ANK1: variants seen among roughly 807,000 people sequenced by gnomAD.
The protein encoded by ANK1 is ankyrin 1.
ANK1 carries 51 observed loss-of-function variants against 210.4 expected under a neutral mutation model. The observed-to-expected ratio is 0.24, with a 90% confidence interval of 0.19 to 0.31. The LOEUF is 0.31. Ranked by LOEUF, ANK1 falls within the 10% of genes least tolerant of loss-of-function variation. ANK1 has a pLI of 1.00. For missense variants in ANK1, 2,051 were observed against 2,504.4 expected, an observed-to-expected ratio of 0.82 and a Z score of 3.86; for synonymous variants, 967 against 1,025.9, an observed-to-expected ratio of 0.94 and a Z score of 1.10.
chr8:41,679,548 C>T (rs1253718164), intron 37 of ANK1, among the ~76,000 whole-genome samples: 2 of 146,006 alleles, frequency 1.4e-5, no homozygotes, highest in Non-Finnish European at 3.0e-5. Flanking sequence ...TCTTGGTCTT[C>T]CTGGACTTTC....
At chr8:41,717,897 C>T (rs970548866) in intron 11 of ANK1, among the ~76,000 whole-genome samples, 195 bp from the exon 12 acceptor site, 16 of 152,202 alleles carry the variant, frequency 1.1e-4, no homozygotes, top group African/African-American at 3.4e-4. Context: ...TTACAACTTG[C>T]AAAAATTGTG....
intron 26 of ANK1, among the ~76,000 whole-genome samples, chr8:41,696,057 G>T (rs1449912439): frequency 2.6e-5 from 4 of 152,148 alleles, no homozygotes; most frequent in African/African-American, 9.7e-5. Context: ...TTTTGGTTTT[G>T]CTTTTTATTT....
intron 8 of ANK1, 136 bp downstream of exon 8, chr8:41,723,399 G>T: frequency 8.4e-7 from 1 of 1,191,852 alleles, no homozygotes; most frequent in Non-Finnish European, 1.2e-6. Flanking sequence ...GCACTGCCCA[G>T]AATACTGCTG....
chr8:41,714,751 C>T (rs1827146979), intron 15 of ANK1, among the ~76,000 whole-genome samples: 1 of 152,152 alleles, frequency 6.6e-6, no homozygotes, highest in Non-Finnish European at 1.5e-5. Flanking sequence ...GTCCCAGCTA[C>T]TCAGGAGACT....
intron 1 of ANK1, among the ~76,000 whole-genome samples, chr8:41,894,980 G>A (rs73675171): frequency 0.084 from 12,784 of 152,126 alleles, 1,401 homozygotes; most frequent in African/African-American, 0.24. Context: ...TCCCTCAAGG[G>A]AGGTGGGGAC....
At chr8:41,750,028 C>A (rs530605837) in intron 2 of ANK1, among the ~76,000 whole-genome samples, 1 of 152,266 alleles carries the variant, frequency 6.6e-6, no homozygotes, top group African/African-American at 2.4e-5. Context: ...AATTGAATGC[C>A]GTGAGCTCCA....
chr8:41,692,078 A>G (rs2150588365), intron 31 of ANK1, among the ~76,000 whole-genome samples: 1 of 150,538 alleles, frequency 6.6e-6, no homozygotes, highest in Middle Eastern at 3.4e-3. Flanking sequence ...TTTTTTTTAA[A>G]CAGAGTCTTG....
At chr8:41,710,715 C>T (rs966774587) in intron 16 of ANK1, among the ~76,000 whole-genome samples, 20 of 152,236 alleles carry the variant, frequency 1.3e-4, no homozygotes, top group Non-Finnish European at 2.2e-4. Flanking sequence ...TTCCCCACCT[C>T]GGCCAGCATT....
At chr8:41,872,827 C>T (rs2150826224) in intron 1 of ANK1, among the ~76,000 whole-genome samples, 1 of 152,374 alleles carries the variant, frequency 6.6e-6, no homozygotes. Flanking sequence ...TCCAACCACA[C>T]CCAAAGCCTC....
At chr8:41,692,212 A>G (rs536812097) in intron 31 of ANK1, among the ~76,000 whole-genome samples, 14 of 152,190 alleles carry the variant, frequency 9.2e-5, no homozygotes, top group African/African-American at 3.4e-4. Context: ...ACGTGCCATC[A>G]TGCCCGGCTA....
chr8:41,706,770 G>A (rs1054104641), intron 17 of ANK1, among the ~76,000 whole-genome samples: 1 of 152,228 alleles, frequency 6.6e-6, no homozygotes, highest in African/African-American at 2.4e-5. Context: ...GAGCGCTGGA[G>A]AAAGCACAGG....
upstream of ANK1, chr8:41,797,699 T>G: frequency 1.8e-6 from 2 of 1,139,826 alleles, no homozygotes; most frequent in Non-Finnish European, 2.3e-6. The surrounding 1 kb of genome is among the most constrained non-coding windows in gnomAD (Gnocchi z 4.0). Flanking sequence ...GGCCGGGCGC[T>G]CCCGGCACGG....
chr8:41,777,146 C>T (rs1188159833), intron 1 of ANK1, among the ~76,000 whole-genome samples: 1 of 152,200 alleles, frequency 6.6e-6, no homozygotes, highest in Non-Finnish European at 1.5e-5. Context: ...TTTCTTTCTA[C>T]GTTGCTTATC....
At chr8:41,710,210 CA>C (rs1825761629) in intron 16 of ANK1, among the ~76,000 whole-genome samples, 1 of 152,220 alleles carries the variant, frequency 6.6e-6, no homozygotes, top group South Asian at 2.1e-4. Flanking sequence ...CTTTGCTCAT[CA>C]CTGCCGAAAA....
intron 5 of ANK1, 95 bp from the exon 6 acceptor site, chr8:41,726,041 GC>G: frequency 7.0e-7 from 1 of 1,421,528 alleles, no homozygotes; most frequent in Non-Finnish European, 9.6e-7. Context: ...TATGCTCCCA[GC>G]AGCCCCAGCC....
In ANK1 at chr8:41,704,767, C is replaced by A. The variant is rs562428856; in HGVS notation, c.2098-295G>T. On this transcript the variant is annotated intron_variant, in intron 18 of 42. Coordinates refer to ENST00000289734, the MANE Select transcript of ANK1 (RefSeq NM_000037.4). The surrounding 1 kb of genome is among the most constrained non-coding windows in gnomAD (Gnocchi z 4.1). The stretch of plus-strand genomic sequence containing the variant: ...GAGAGCTTTGGAGGTGAGTGAGGTC[C>A]CCCAGAATAAAGTGGAGGGTGAAAA... Among the ~76,000 whole-genome samples the A allele has an allele frequency of 1.3e-5, 2 of 151,974 alleles. No individual in the cohort carries two copies.
At chr8:41,733,615 G>A (rs1432247370) in intron 3 of ANK1, among the ~76,000 whole-genome samples, 1 of 152,198 alleles carries the variant, frequency 6.6e-6, no homozygotes, top group Non-Finnish European at 1.5e-5. Flanking sequence ...ACTCGTCCCA[G>A]GTCACAGAGC....
intron 1 of ANK1, among the ~76,000 whole-genome samples, chr8:41,845,606 A>G (rs1587383960): frequency 6.6e-6 from 1 of 151,210 alleles, no homozygotes; most frequent in African/African-American, 2.4e-5. Flanking sequence ...ACAGTGACTC[A>G]CTCCCTTCCT....
chr8:41,714,023 G>T, intron 16 of ANK1, 133 bp downstream of exon 16: 1 of 559,736 alleles, frequency 1.8e-6, no homozygotes, highest in Non-Finnish European at 2.7e-6. Context: ...AAAGTGAGGC[G>T]TGATTTCTGA....
Sources: gnomAD v4.1 joint callset for allele counts (sites outside exome capture counted in the v4.1 genomes callset) on GRCh38, gnomAD v4.1.1 for gene constraint, Gnocchi (gnomAD v3.1) non-coding constraint, MANE v1.5 for transcripts, NCBI Gene and HGNC (gene_info 2026-07-23, HGNC 2026-07-21) for gene names.